Variants in ASIC2 observed in about 807,000 individuals in gnomAD.
ASIC2 encodes the protein acid sensing ion channel subunit 2, also known as acid-sensing ion channel 2.
ASIC2 carries 25 observed loss-of-function variants against 57.3 expected under a neutral mutation model. The ratio of observed to expected loss-of-function variants is 0.44; its 90% CI spans 0.32 to 0.61. ASIC2 has a LOEUF of 0.61. Among genes scored for constraint, ASIC2 ranks in the 20% least tolerant of loss-of-function variants. ASIC2 has a pLI of 0.06. For synonymous variants in ASIC2, 319 were observed against 307.5 expected (o/e 1.04, Z -0.39); for missense variants, 641 against 738.1 (o/e 0.87, Z 1.52).
chr17:33,586,272 T>G (rs1904629542), intron 1 of ASIC2, among the ~76,000 whole-genome samples: 1 of 152,216 alleles, frequency 6.6e-6, no homozygotes, highest in Non-Finnish European at 1.5e-5. Flanking sequence ...TCTCATATTT[T>G]ATATTCTCAG....
intron 1 of ASIC2, among the ~76,000 whole-genome samples, chr17:33,915,910 G>T (rs568614318): frequency 6.6e-6 from 1 of 152,172 alleles, no homozygotes; most frequent in East Asian, 1.9e-4. Flanking sequence ...CTGAGGCCCC[G>T]TGGGGACACT....
chr17:33,462,690 C>G (rs1912681174), intron 1 of ASIC2, among the ~76,000 whole-genome samples: 1 of 152,218 alleles, frequency 6.6e-6, no homozygotes, highest in Non-Finnish European at 1.5e-5. Context: ...AGTGTCCCCT[C>G]CCTTTTGGTA....
chr17:33,329,218 C>T (rs957931256), intron 1 of ASIC2, among the ~76,000 whole-genome samples: 1 of 152,112 alleles, frequency 6.6e-6, no homozygotes, highest in Non-Finnish European at 1.5e-5. Context: ...TTCTTACAGT[C>T]TCAGCATTCT....
intron 1 of ASIC2, among the ~76,000 whole-genome samples, chr17:33,380,771 C>A (rs1367041369): frequency 1.3e-5 from 2 of 152,146 alleles, no homozygotes; most frequent in African/African-American, 4.8e-5. Context: ...TTTTAAAAGG[C>A]GGAGGTTCCT....
At chr17:33,980,489 G>A (rs1472011676) in intron 1 of ASIC2, among the ~76,000 whole-genome samples, 4 of 152,216 alleles carry the variant, frequency 2.6e-5, no homozygotes, top group Non-Finnish European at 5.9e-5. Context: ...CACATATGGA[G>A]ATGGGATGGC....
At chr17:33,323,538 C>T (rs969592147) in intron 1 of ASIC2, among the ~76,000 whole-genome samples, 3 of 152,100 alleles carry the variant, frequency 2.0e-5, no homozygotes, top group African/African-American at 7.2e-5. Flanking sequence ...CTTGGTGAAA[C>T]CCCTGTCTCT....
intron 1 of ASIC2, among the ~76,000 whole-genome samples, chr17:33,627,971 A>G (rs147624551): frequency 6.6e-6 from 1 of 152,068 alleles, no homozygotes; most frequent in Non-Finnish European, 1.5e-5. Flanking sequence ...CGGAGCTTGC[A>G]GTGAGCTGAG....
At chr17:33,503,978 G>T (rs558588121) in intron 1 of ASIC2, among the ~76,000 whole-genome samples, 1 of 152,352 alleles carries the variant, frequency 6.6e-6, no homozygotes, top group South Asian at 2.1e-4. Context: ...TGGGGAAGGG[G>T]CAAATGAGGA....
rs561738738 is a variant in ASIC2, at chr17:33,609,158, A to G, written c.556-497091T>C. Among the ~76,000 whole-genome samples the G allele has an allele frequency of 2.6e-5, 4 of 152,342 alleles. No homozygotes were observed. The East Asian group carries it at 7.7e-4, about 29-fold the overall frequency. On this transcript the variant is annotated intron_variant, in intron 1 of 9. Coordinates refer to the ASIC2 transcript ENST00000359872. Reference sequence around the variant, plus strand: ...CATCTCCCACCTGAACTACTACAACAGAATTTTAAAAGCTTTCCCTCTTAG... The same window carrying G: ...CATCTCCCACCTGAACTACTACAACGGAATTTTAAAAGCTTTCCCTCTTAG...
intron 3 of ASIC2, among the ~76,000 whole-genome samples, chr17:33,084,262 A>G (rs995041573): frequency 2.7e-4 from 41 of 152,236 alleles, no homozygotes; most frequent in African/African-American, 9.6e-4. Flanking sequence ...GCAGTGACCT[A>G]TCCAAAGTCC....
chr17:33,945,518 C>T lies in ASIC2; in HGVS notation c.555+210460G>A, dbSNP rs139895162. On this transcript the variant is annotated intron_variant, in intron 1 of 9. Transcript: ENST00000359872. The stretch of plus-strand genomic sequence containing the variant: ...AATGGGAGAATGGGCAGCAATGTTG[C>T]TAACCGAGAATGCCCAAATCAGCAG... 6.4e-4 allele frequency among the ~76,000 whole-genome samples: 98 copies of T among 152,248 alleles called. No homozygotes were observed. The South Asian group carries it at 8.1e-3, about 13-fold the overall frequency.
chr17:34,039,565 C>A, intron 1 of ASIC2: 17 of 1,613,954 alleles, frequency 1.1e-5, no homozygotes, highest in Non-Finnish European at 1.3e-5. Context: ...TGGTGGAACA[C>A]TTCTGCCAGG....
intron 1 of ASIC2, among the ~76,000 whole-genome samples, chr17:33,306,896 C>T (rs963726750): frequency 5.9e-5 from 9 of 152,110 alleles, no homozygotes; most frequent in African/African-American, 9.7e-5. Context: ...TTTGGGGCAA[C>T]GAGGCAGGCT....
chr17:33,420,189 A>C (rs1355317044), intron 1 of ASIC2, among the ~76,000 whole-genome samples: 1 of 152,202 alleles, frequency 6.6e-6, no homozygotes, highest in Non-Finnish European at 1.5e-5. Context: ...ATTGCCCCAG[A>C]TATTTATTGA....
intron 2 of ASIC2, among the ~76,000 whole-genome samples, chr17:33,098,645 C>G (rs919245670): frequency 2.6e-5 from 4 of 152,228 alleles, no homozygotes; most frequent in Non-Finnish European, 5.9e-5. Flanking sequence ...TCAGCCCCTC[C>G]TGCAAAGCCA....
chr17:33,929,330 C>T (rs1463530399), intron 1 of ASIC2, among the ~76,000 whole-genome samples: 1 of 152,212 alleles, frequency 6.6e-6, no homozygotes, highest in African/African-American at 2.4e-5. Context: ...AAGTTCCCAA[C>T]CTCCTACTTG....
intron 1 of ASIC2, among the ~76,000 whole-genome samples, chr17:33,979,352 G>A (rs1905521708): frequency 6.6e-6 from 1 of 152,148 alleles, no homozygotes; most frequent in African/African-American, 2.4e-5. Context: ...CCCTGGGGCA[G>A]TTGCCAGGGA....
At chr17:33,988,766 C>T (rs1905909818) in intron 1 of ASIC2, among the ~76,000 whole-genome samples, 1 of 152,040 alleles carries the variant, frequency 6.6e-6, no homozygotes, top group Non-Finnish European at 1.5e-5. Flanking sequence ...TTTGCCATTG[C>T]TCCCAGAGAG....
At chr17:33,561,564 C>T (rs1433198533) in intron 1 of ASIC2, among the ~76,000 whole-genome samples, 3 of 152,212 alleles carry the variant, frequency 2.0e-5, no homozygotes, top group Non-Finnish European at 4.4e-5. Flanking sequence ...TTAGTGGACT[C>T]TTCTTCCACT....
Sources: gnomAD v4.1 joint callset for allele counts (sites outside exome capture counted in the v4.1 genomes callset) on GRCh38, gnomAD v4.1.1 for gene constraint, MANE v1.5 for transcripts, NCBI Gene and HGNC (gene_info 2026-07-23, HGNC 2026-07-21) for gene names.